The following RRP15 variants were observed in gnomAD, a reference collection of about 807,000 sequenced individuals.
RRP15 encodes ribosomal RNA processing 15 homolog.
RRP15 carries 18 observed loss-of-function variants against 27.1 expected under a neutral mutation model. The ratio of observed to expected loss-of-function variants is 0.66; its 90% CI spans 0.46 to 0.98. The LOEUF (loss-of-function observed/expected upper bound fraction) is 0.98. Ranked by LOEUF, RRP15 falls within the 50% of genes least tolerant of loss-of-function variation. The pLI is 0.00. For synonymous variants in RRP15, 107 were observed against 109.4 expected, an observed-to-expected ratio of 0.98 and a Z score of 0.14; for missense variants, 359 against 337.8, an observed-to-expected ratio of 1.06 and a Z score of -0.49.
At chr1:218,288,924 A>G (rs1195330446) in intron 1 of RRP15, among the ~76,000 whole-genome samples, 1 of 151,970 alleles carries the variant, frequency 6.6e-6, no homozygotes, top group Non-Finnish European at 1.5e-5. Context: ...TCCCCTGTTC[A>G]CTCAATTGTA....
Position 218,314,546 on chromosome 1 carries a change from C to T in RRP15, c.705+6914C>T, listed in dbSNP as rs150895004. ...AATATATTGGCTGCTCTTAGGAAAG[C>T]ATTGGCTTTACTTGTACTCTTGAAT... On this transcript the variant is annotated intron_variant, in intron 4 of 4. Coordinates refer to ENST00000366932, the MANE Select transcript of RRP15 (RefSeq NM_016052.4). Among the ~76,000 whole-genome samples the T allele has an allele frequency of 8.7e-3, 1,320 of 152,214 alleles. 21 individuals carry two copies. Among genetic ancestry groups the T allele is most frequent in the African/African-American group, 0.029 (1,219 of 41,520 alleles).
chr1:218,286,080 C>A (rs1228100741), intron 1 of RRP15, among the ~76,000 whole-genome samples: 1 of 152,158 alleles, frequency 6.6e-6, no homozygotes, highest in East Asian at 1.9e-4. Flanking sequence ...TATTAGGTTA[C>A]AAGGAATTGC....
At chr1:218,330,430 T>C (rs1158917085) in intron 4 of RRP15, among the ~76,000 whole-genome samples, 1 of 152,186 alleles carries the variant, frequency 6.6e-6, no homozygotes, top group Non-Finnish European at 1.5e-5. Flanking sequence ...TTGGTTCAAA[T>C]TTTTATAAAA....
chr1:218,304,931 T>C (rs773852321), intron 2 of RRP15, 97 bp from the exon 3 acceptor site: 124 of 1,137,482 alleles, frequency 1.1e-4, no homozygotes, highest in Non-Finnish European at 1.5e-4. Context: ...GCCAGAATGA[T>C]TTATTACCTT....
intron 1 of RRP15, among the ~76,000 whole-genome samples, chr1:218,290,269 C>T (rs529823190): frequency 1.3e-5 from 2 of 152,232 alleles, no homozygotes; most frequent in Non-Finnish European, 2.9e-5. Flanking sequence ...TTTGTGAATT[C>T]GCAGTTGATT....
In RRP15 at chr1:218,305,076, G is replaced by A; in HGVS notation, c.454G>A (p.Val152Ile). 3.7e-6 allele frequency: 6 copies of A among 1,613,928 alleles called. No homozygotes were observed. Among genetic ancestry groups the A allele is most frequent in the East Asian group, 2.2e-5 (1 of 44,860 alleles). ...WEMMCRVKPD[V>I]VQDKETERNL... ...AATGATGTGCAGAGTAAAGCCAGAT[G>A]TTGTCCAAGACAAAGAGACAGAGAG... The change falls in exon 3 of 5, where the codon GTT becomes ATT. Residue 152 changes from valine (V) to isoleucine (I), a missense_variant. Val to Ile is a conservative substitution (Grantham distance 29). Coordinates refer to ENST00000366932, the MANE Select transcript of RRP15 (RefSeq NM_016052.4).
chr1:218,324,267 T>G (rs1656235642), intron 4 of RRP15, among the ~76,000 whole-genome samples: 3 of 152,184 alleles, frequency 2.0e-5, no homozygotes, highest in African/African-American at 2.4e-5. Flanking sequence ...GCATGGCCCC[T>G]GCCAACCCCG....
intron 1 of RRP15, among the ~76,000 whole-genome samples, chr1:218,287,778 C>A (rs955007269): frequency 1.3e-5 from 2 of 152,006 alleles, no homozygotes; most frequent in Admixed American, 1.3e-4. Context: ...AGATAAGTTC[C>A]CCAAATGTCA....
At chr1:218,329,451 AATAG>A (rs1284144171) in intron 4 of RRP15, among the ~76,000 whole-genome samples, 2 of 152,022 alleles carry the variant, frequency 1.3e-5, no homozygotes, top group East Asian at 3.9e-4. Context: ...CTAACAATCT[AATAG>A]AAGTAGAATT....
Position 218,334,001 on chromosome 1 carries a change from C to G in RRP15, c.*2910C>G, listed in dbSNP as rs1248337190. The G allele has an allele frequency of 6.6e-6, 1 of 151,892 alleles. No individual in the cohort carries two copies. The highest frequency in any genetic ancestry group is 2.4e-5 in the African/African-American group (1 of 41,324). 9.4% of individuals were successfully genotyped at this position (151,892 alleles called of 1,614,324 possible). On this transcript the variant is annotated 3_prime_UTR_variant, in exon 5 of 5. Coordinates refer to ENST00000366932, the MANE Select transcript of RRP15 (RefSeq NM_016052.4). ...TTATTTCATATATAGAAATAATTATCTTATTTCCTTATTTCATATATAGAA... is the reference window on the plus strand; with the variant it reads ...TTATTTCATATATAGAAATAATTATGTTATTTCCTTATTTCATATATAGAA...
chr1:218,310,831 T>C (rs11118077), intron 4 of RRP15, among the ~76,000 whole-genome samples: 11,669 of 151,990 alleles, frequency 0.077, 763 homozygotes, highest in African/African-American at 0.19. Context: ...TCATTGCAAC[T>C]TCCGCCTCCT....
intron 1 of RRP15, among the ~76,000 whole-genome samples, chr1:218,292,385 G>A (rs1037973643): frequency 4.6e-5 from 7 of 152,124 alleles, no homozygotes; most frequent in Non-Finnish European, 5.9e-5. Flanking sequence ...ATGCTTGTGG[G>A]CCATTTTAAA....
chr1:218,293,759 A>G (rs535236623), intron 1 of RRP15, among the ~76,000 whole-genome samples: 1 of 152,278 alleles, frequency 6.6e-6, no homozygotes, highest in East Asian at 1.9e-4. Context: ...AAACTCAAGT[A>G]TTGTTTGTTA....
chr1:218,335,532 G>T lies in RRP15; in HGVS notation c.*4441G>T, dbSNP rs951870005. On this transcript the variant is annotated 3_prime_UTR_variant, in exon 5 of 5. Coordinates refer to ENST00000366932, the MANE Select transcript of RRP15 (RefSeq NM_016052.4). ...ATTTATGTCTGTGCTGTTCAATATG[G>T]TAGCCACTCGCAGAGGTGACTACTG... is the stretch of plus-strand genomic sequence containing the variant. 3.9e-5 allele frequency: 6 copies of T among 152,140 alleles called. No homozygotes were observed. The highest frequency in any genetic ancestry group is 1.4e-4 in the African/African-American group (6 of 41,428). The allele number at this position is 152,140 out of a possible 1,614,324, so 9.4% of individuals were successfully genotyped here. A position where few individuals can be genotyped will look rare whatever the true frequency, so the allele number is the denominator to read the frequency against.
At chr1:218,314,828 T>TA (rs1181637958) in intron 4 of RRP15, among the ~76,000 whole-genome samples, 1 of 151,406 alleles carries the variant, frequency 6.6e-6, no homozygotes, top group Admixed American at 6.6e-5. Context: ...CCGTCTCTAC[T>TA]AAAAAATACA....
chr1:218,333,957 A>G lies in RRP15; in HGVS notation c.*2866A>G, dbSNP rs1215240606. ...GAACTATGGAAAATAGGAACCAATA[A>G]TTTGGAAGTATTATTTCCTTATTTC... On this transcript the variant is annotated 3_prime_UTR_variant, in exon 5 of 5. Coordinates refer to ENST00000366932, the MANE Select transcript of RRP15 (RefSeq NM_016052.4). 1 of 152,164 alleles carries G rather than the reference A, an allele frequency of 6.6e-6. No individual in the cohort carries two copies. Among genetic ancestry groups the G allele is most frequent in the Non-Finnish European group, 1.5e-5 (1 of 68,030 alleles). The allele number at this position is 152,164 out of a possible 1,614,324, so 9.4% of individuals were successfully genotyped here. A position where few individuals can be genotyped will look rare whatever the true frequency, so the allele number is the denominator to read the frequency against.
At chr1:218,292,474 A>G (rs1042891818) in intron 1 of RRP15, among the ~76,000 whole-genome samples, 7 of 152,202 alleles carry the variant, frequency 4.6e-5, no homozygotes, top group African/African-American at 1.7e-4. Context: ...CCAGTTTACA[A>G]TGAGAAAGTT....
intron 4 of RRP15, among the ~76,000 whole-genome samples, chr1:218,314,918 G>A (rs947255449): frequency 5.3e-5 from 8 of 151,338 alleles, no homozygotes; most frequent in African/African-American, 1.9e-4. Flanking sequence ...CTTGAACCTG[G>A]GAGATGGAGG....
At chr1:218,288,299 A>G (rs190470830) in intron 1 of RRP15, among the ~76,000 whole-genome samples, 2 of 152,350 alleles carry the variant, frequency 1.3e-5, no homozygotes, top group African/African-American at 2.4e-5. Flanking sequence ...TTTCAAAAAG[A>G]AAGTATTCAA....
Sources: allele counts gnomAD v4.1 joint callset (sites outside exome capture counted in the v4.1 genomes callset), GRCh38; gene constraint gnomAD v4.1.1; transcripts MANE v1.5; gene names NCBI Gene and HGNC (gene_info 2026-07-23, HGNC 2026-07-21).